AOAH: variants seen among roughly 807,000 people sequenced by gnomAD.
The protein encoded by AOAH is acyloxyacyl hydrolase, also known as acyloxyacyl hydrolase (neutrophil).
A neutral mutation model predicts 92.2 loss-of-function variants in AOAH; 64 were observed. That is an observed-to-expected ratio of 0.69 (90% CI 0.57 to 0.86). AOAH has a LOEUF of 0.86. AOAH is among the 40% of genes least tolerant of loss of function. AOAH has a pLI of 0.00. For synonymous variants in AOAH, 263 were observed against 254.5 expected (o/e 1.03, Z -0.32); for missense variants, 656 against 694.6 (o/e 0.94, Z 0.62).
chr7:36,517,224 C>CTTTCTA (rs1229778638), intron 20 of AOAH, among the ~76,000 whole-genome samples: 4 of 47,588 alleles, frequency 8.4e-5, no homozygotes, highest in Non-Finnish European at 2.2e-4. Context: ...CTCTTTCTTT[C>CTTTCTA]TGTCTCTCTC....
In AOAH at chr7:36,522,307, T is replaced by C. The variant is rs1048005838; in HGVS notation, c.1523-192A>G. On this transcript the variant is annotated intron_variant, in intron 19 of 20. Transcript: ENST00000617537. ...ATCTTCCCGCTGTGTGTGTGCTTTT[T>C]CTAACTCAGGAAGGGAATACGTGAG... 2.0e-5 allele frequency among the ~76,000 whole-genome samples: 3 copies of C among 152,256 alleles called. No homozygotes were observed. In the East Asian group the frequency reaches 5.8e-4, roughly 29 times the overall value.
chr7:36,526,488 T>C (rs1412838188), intron 19 of AOAH, among the ~76,000 whole-genome samples: 1 of 152,252 alleles, frequency 6.6e-6, no homozygotes, highest in Admixed American at 6.5e-5. Context: ...ACACTGGTCT[T>C]TACTTTTTCC....
At chr7:36,623,630 GA>G (rs1352363102) in intron 6 of AOAH, among the ~76,000 whole-genome samples, 2 of 152,214 alleles carry the variant, frequency 1.3e-5, no homozygotes, top group Non-Finnish European at 2.9e-5. Flanking sequence ...CATTGTTATA[GA>G]AATCTTTTCT....
At chr7:36,720,750 AAGAC>A (rs1173990275) in intron 1 of AOAH, among the ~76,000 whole-genome samples, 1 of 152,204 alleles carries the variant, frequency 6.6e-6, no homozygotes, top group African/African-American at 2.4e-5. Flanking sequence ...GAATTTCCTG[AAGAC>A]AGACATTCTA....
At chr7:36,637,572 G>C (rs778341676) in intron 5 of AOAH, among the ~76,000 whole-genome samples, 1 of 152,020 alleles carries the variant, frequency 6.6e-6, no homozygotes, top group Non-Finnish European at 1.5e-5. Context: ...AGAAGCCAGG[G>C]TTGCTGCTGA....
intron 13 of AOAH, among the ~76,000 whole-genome samples, chr7:36,560,685 C>T (rs73097493): frequency 0.049 from 7,450 of 152,118 alleles, 224 homozygotes; most frequent in Non-Finnish European, 0.072. Context: ...TGAAGAGAGA[C>T]GGTTTGACTT....
chr7:36,670,903 C>T (rs1795883792), intron 3 of AOAH, among the ~76,000 whole-genome samples: 1 of 152,144 alleles, frequency 6.6e-6, no homozygotes, highest in Non-Finnish European at 1.5e-5. Context: ...TTCACTGGTT[C>T]TCACACTCAC....
intron 6 of AOAH, among the ~76,000 whole-genome samples, chr7:36,627,202 T>C (rs545766260): frequency 6.6e-6 from 1 of 152,300 alleles, no homozygotes; most frequent in South Asian, 2.1e-4. Flanking sequence ...ACTATAGTCC[T>C]GGGTGAAAAA....
chr7:36,609,237 C>T lies in AOAH; in HGVS notation c.846+7143G>A, dbSNP rs531516737. The stretch of plus-strand genomic sequence containing the variant: ...TCCCCACTGTACTTTTCTAGCTTAG[C>T]ACACTTTTACTGGAATTACAACTAG... On this transcript the variant is annotated intron_variant, in intron 11 of 20. Transcript: ENST00000617537. Among the ~76,000 whole-genome samples, 4 of 152,308 alleles carry T rather than the reference C, an allele frequency of 2.6e-5. No homozygotes were observed. The South Asian group carries it at 8.3e-4, about 32-fold the overall frequency.
intron 13 of AOAH, among the ~76,000 whole-genome samples, chr7:36,575,634 G>T (rs1215527292): frequency 6.6e-6 from 1 of 152,152 alleles, no homozygotes; most frequent in African/African-American, 2.4e-5. Context: ...TTAGCACTTG[G>T]TAAGAGCTCA....
At chr7:36,680,944 G>C in intron 2 of AOAH, among the ~76,000 whole-genome samples, 1 of 152,208 alleles carries the variant, frequency 6.6e-6, no homozygotes, top group East Asian at 1.9e-4. Flanking sequence ...GAAGTCAGAA[G>C]AAGCTAAGAT....
intron 1 of AOAH, among the ~76,000 whole-genome samples, chr7:36,717,724 C>CTTTTTTTTT (rs1237909204): frequency 9.8e-5 from 8 of 81,512 alleles, no homozygotes; most frequent in Non-Finnish European, 1.7e-4. Context: ...TTTTTCTCTT[C>CTTTTTTTTT]TTATTTTTTT....
At chr7:36,530,370 C>T (rs1263966195) in intron 19 of AOAH, 48 bp downstream of exon 19, 1 of 1,399,104 alleles carries the variant, frequency 7.1e-7, no homozygotes, top group Non-Finnish European at 1.0e-6. Context: ...AGGCCCTAAA[C>T]TAGCTGCTGC....
chr7:36,590,479 AG>A (rs958825687), intron 12 of AOAH, among the ~76,000 whole-genome samples: 4 of 152,250 alleles, frequency 2.6e-5, no homozygotes, highest in African/African-American at 9.6e-5. Flanking sequence ...TGTAAAACTA[AG>A]GGGTTATGTT....
intron 1 of AOAH, among the ~76,000 whole-genome samples, chr7:36,703,975 T>C (rs1798213901): frequency 6.6e-6 from 1 of 152,184 alleles, no homozygotes; most frequent in South Asian, 2.1e-4. Flanking sequence ...GCATCGGTTG[T>C]TTCCTGACTT....
At chr7:36,699,241 A>G (rs554238917) in intron 1 of AOAH, among the ~76,000 whole-genome samples, 16 of 152,194 alleles carry the variant, frequency 1.1e-4, no homozygotes, top group Middle Eastern at 3.4e-3. Flanking sequence ...TATTTTGGCT[A>G]TTGTAAATGG....
chr7:36,622,233 C>T (rs1165698904), intron 7 of AOAH, among the ~76,000 whole-genome samples: 1 of 152,124 alleles, frequency 6.6e-6, no homozygotes, highest in East Asian at 1.9e-4. Context: ...ACAAGCACCT[C>T]CAGAAACAGC....
intron 13 of AOAH, among the ~76,000 whole-genome samples, chr7:36,574,315 C>T (rs926579140): frequency 2.6e-5 from 4 of 152,200 alleles, no homozygotes; most frequent in Non-Finnish European, 4.4e-5. Flanking sequence ...CCACGGCCTT[C>T]GAGCACATTT....
intron 3 of AOAH, among the ~76,000 whole-genome samples, chr7:36,661,474 T>C (rs907107272): frequency 6.6e-6 from 1 of 152,186 alleles, no homozygotes; most frequent in African/African-American, 2.4e-5. Context: ...TGTCCTATTT[T>C]CAGTCTCTTT....
Sources: gnomAD v4.1 joint callset for allele counts (sites outside exome capture counted in the v4.1 genomes callset) on GRCh38, gnomAD v4.1.1 for gene constraint, MANE v1.5 for transcripts, NCBI Gene and HGNC (gene_info 2026-07-23, HGNC 2026-07-21) for gene names.